Variants in CORO2B observed in about 807,000 individuals in gnomAD.
The protein encoded by CORO2B is coronin-2B.
In CORO2B, 26 loss-of-function variants were observed where a neutral mutation model predicts 58.8. That is an observed-to-expected ratio of 0.44 (90% CI 0.32 to 0.61). CORO2B has a LOEUF of 0.61. CORO2B is among the 20% of genes least tolerant of loss of function. The pLI is 0.04. For synonymous variants in CORO2B, 242 were observed against 253.8 expected (o/e 0.95, Z 0.44); for missense variants, 460 against 645.1 (o/e 0.71, Z 3.11).
chr15:68,642,025 G>A (rs889700673), intron 1 of CORO2B, among the ~76,000 whole-genome samples: 4 of 142,598 alleles, frequency 2.8e-5, no homozygotes, highest in Non-Finnish European at 4.5e-5. Context: ...CACCTAACCC[G>A]GCCTAGCCTC....
intron 3 of CORO2B, among the ~76,000 whole-genome samples, chr15:68,707,720 C>T (rs1596030118): frequency 6.6e-6 from 1 of 152,154 alleles, no homozygotes; most frequent in African/African-American, 2.4e-5. Flanking sequence ...GGGTGTCTAG[C>T]CCAAGCATTA....
At chr15:68,554,242 A>C in the CORO2B span, among the ~76,000 whole-genome samples, 1 of 152,094 alleles carries the variant, frequency 6.6e-6, no homozygotes, top group East Asian at 1.9e-4. Flanking sequence ...GCTGAAATTG[A>C]GTGGACTAGA....
At chr15:68,713,468 G>A (rs1255848922) in intron 5 of CORO2B, among the ~76,000 whole-genome samples, 1 of 152,196 alleles carries the variant, frequency 6.6e-6, no homozygotes, top group African/African-American at 2.4e-5. Context: ...CACAAACTAG[G>A]TGGCTGAAAA....
At chr15:68,551,320 G>T in the CORO2B span, among the ~76,000 whole-genome samples, 1 of 152,050 alleles carries the variant, frequency 6.6e-6, no homozygotes, top group African/African-American at 2.4e-5. Context: ...GAACTAGGAG[G>T]TCCAGGTAAC....
intron 2 of CORO2B, among the ~76,000 whole-genome samples, chr15:68,674,558 T>A (rs1902511562): frequency 2.0e-5 from 3 of 152,156 alleles, no homozygotes; most frequent in African/African-American, 7.2e-5. Context: ...ACCCTCTTAC[T>A]CACTGGGTGA....
chr15:68,589,752 C>T (rs1235124296), intron 1 of CORO2B, among the ~76,000 whole-genome samples: 1 of 152,212 alleles, frequency 6.6e-6, no homozygotes, highest in Non-Finnish European at 1.5e-5. Flanking sequence ...ACTTTGAGAA[C>T]TTAACCTAGA....
chr15:68,578,589 G>A (rs1338896736), upstream of CORO2B, among the ~76,000 whole-genome samples: 1 of 151,834 alleles, frequency 6.6e-6, no homozygotes, highest in Non-Finnish European at 1.5e-5. This position sits in a 1 kb window ranked among gnomAD's most constrained non-coding sequence, Gnocchi z 4.2. Context: ...ACGGCCCACG[G>A]GCCGACTTTG....
At chr15:68,556,590 TTGG>T in the CORO2B span, among the ~76,000 whole-genome samples, 1 of 152,234 alleles carries the variant, frequency 6.6e-6, no homozygotes, top group Non-Finnish European at 1.5e-5. Context: ...GCACAAGGGC[TTGG>T]TGTGTGGAGT....
chr15:68,721,967 G>T (rs1248821799), intron 11 of CORO2B, among the ~76,000 whole-genome samples: 1 of 152,112 alleles, frequency 6.6e-6, no homozygotes, highest in African/African-American at 2.4e-5. Context: ...TGCACAGGCT[G>T]GTCTTAAACT....
At chr15:68,554,622 C>T in the CORO2B span, among the ~76,000 whole-genome samples, 2 of 152,234 alleles carry the variant, frequency 1.3e-5, no homozygotes, top group African/African-American at 2.4e-5. Context: ...CCACTCCCCA[C>T]ATGCCAGGCT....
At chr15:68,567,360 T>C in the CORO2B span, among the ~76,000 whole-genome samples, 1 of 152,238 alleles carries the variant, frequency 6.6e-6, no homozygotes, top group Non-Finnish European at 1.5e-5. Flanking sequence ...AGGATAAGTA[T>C]GAGAAGAAGT....
chr15:68,557,204 T>G, the CORO2B span, among the ~76,000 whole-genome samples: 1 of 152,196 alleles, frequency 6.6e-6, no homozygotes, highest in African/African-American at 2.4e-5. Flanking sequence ...GGAAAGGGAT[T>G]CATAGAGGAT....
chr15:68,558,262 C>T, the CORO2B span, among the ~76,000 whole-genome samples: 8 of 152,184 alleles, frequency 5.3e-5, no homozygotes, highest in African/African-American at 1.4e-4. Flanking sequence ...CCAGCTTCTC[C>T]GGAAGCTGTC....
chr15:68,726,823 T>G lies in CORO2B; in HGVS notation c.*849T>G, dbSNP rs1893313248. The G allele has an allele frequency of 3.9e-5, 6 of 152,328 alleles. No homozygotes were observed. The South Asian group carries it at 1.2e-3, about 32-fold the overall frequency. 9.4% of individuals were successfully genotyped at this position (152,328 alleles called of 1,614,324 possible). ...CAGGGCCTTTCCCGCTGCATCAAGA[T>G]GCCAATCCCTTTGTGGGCTTCACCA... On this transcript the variant is annotated 3_prime_UTR_variant, in exon 12 of 12. Coordinates refer to ENST00000261861, the MANE Select transcript of CORO2B (RefSeq NM_006091.5).
chr15:68,686,827 C>T (rs1002403660), intron 2 of CORO2B, among the ~76,000 whole-genome samples: 13 of 151,162 alleles, frequency 8.6e-5, no homozygotes, highest in African/African-American at 3.2e-4. Flanking sequence ...TGAACCCAGG[C>T]GGCGGAGGTC....
intron 8 of CORO2B, among the ~76,000 whole-genome samples, chr15:68,716,120 G>A (rs916181616): frequency 6.6e-6 from 1 of 152,140 alleles, no homozygotes; most frequent in Non-Finnish European, 1.5e-5. Flanking sequence ...CAGCAAAATG[G>A]AAACCAAAAG....
intron 3 of CORO2B, among the ~76,000 whole-genome samples, chr15:68,705,635 A>G (rs1039522997): frequency 3.3e-5 from 5 of 152,082 alleles, no homozygotes; most frequent in African/African-American, 1.2e-4. Context: ...CTTGGTTTCC[A>G]TCTGTAGCCC....
chr15:68,693,399 T>C (rs1892432995), intron 2 of CORO2B, among the ~76,000 whole-genome samples: 1 of 152,216 alleles, frequency 6.6e-6, no homozygotes, highest in Non-Finnish European at 1.5e-5. Context: ...CTCCTCCTTA[T>C]TATTCTGATG....
At chr15:68,644,554 C>A (rs1363551123) in intron 1 of CORO2B, among the ~76,000 whole-genome samples, 2 of 152,154 alleles carry the variant, frequency 1.3e-5, no homozygotes, top group African/African-American at 4.8e-5. Flanking sequence ...TTGGACAAGT[C>A]ACTTAACCTC....
Sources: gnomAD v4.1 joint callset for allele counts (sites outside exome capture counted in the v4.1 genomes callset) on GRCh38, gnomAD v4.1.1 for gene constraint, Gnocchi (gnomAD v3.1) non-coding constraint, MANE v1.5 for transcripts, NCBI Gene and HGNC (gene_info 2026-07-23, HGNC 2026-07-21) for gene names.